The following HDX variants were observed in gnomAD, a reference collection of about 807,000 sequenced individuals.
HDX encodes the protein highly divergent homeobox, also known as chromosome X open reading frame 43.
Under a neutral mutation model 45.2 loss-of-function variants are expected in HDX, and 19 were observed. The ratio of observed to expected loss-of-function variants is 0.42; its 90% CI spans 0.29 to 0.62. The LOEUF is 0.62. HDX is among the 20% of genes least tolerant of loss of function. The pLI, the probability that HDX is intolerant of heterozygous loss-of-function variation, is 0.20. For synonymous variants in HDX, 188 were observed against 172.8 expected (o/e 1.09, Z -0.69); for missense variants, 532 against 493.9 (o/e 1.08, Z -0.73).
chrX:84,478,382 TC>T (rs2040600798), intron 2 of HDX, among the ~76,000 whole-genome samples: 1 of 111,732 alleles, frequency 8.9e-6, no homozygotes, highest in Admixed American at 9.5e-5. Flanking sequence ...TCTAAGAATG[TC>T]TGCTTCCTTA....
intron 4 of HDX, among the ~76,000 whole-genome samples, chrX:84,442,464 A>G (rs1370289102): frequency 1.8e-5 from 2 of 111,253 alleles, no homozygotes. Context: ...TTTTAAGGAA[A>G]AATAAAAAAT....
chrX:84,479,162 C>T (rs1232005180), intron 2 of HDX, among the ~76,000 whole-genome samples: 1 of 111,069 alleles, frequency 9.0e-6, no homozygotes, highest in African/African-American at 3.3e-5. Context: ...GTCATCAAAC[C>T]ATCACCAAAA....
At chrX:84,475,766 A>G (rs919115238) in intron 2 of HDX, among the ~76,000 whole-genome samples, 8 of 112,137 alleles carry the variant, frequency 7.1e-5, no homozygotes, top group African/African-American at 2.3e-4. Context: ...TACGTGATCA[A>G]TTATCAACAG....
chrX:84,342,753 T>G (rs866856057), intron 7 of HDX, among the ~76,000 whole-genome samples: 1 of 110,767 alleles, frequency 9.0e-6, no homozygotes, highest in Non-Finnish European at 1.9e-5. Context: ...TAGAGGCAAA[T>G]GTGGGGGTAT....
chrX:84,454,268 T>C (rs2040064923), intron 4 of HDX, among the ~76,000 whole-genome samples: 1 of 111,520 alleles, frequency 9.0e-6, no homozygotes, highest in Non-Finnish European at 1.9e-5. Flanking sequence ...ACCAAGCAGG[T>C]TCTTGGGGTC....
chrX:84,399,256 C>CT (rs1191965449), intron 5 of HDX, among the ~76,000 whole-genome samples: 1 of 108,312 alleles, frequency 9.2e-6, no homozygotes, highest in East Asian at 2.9e-4. Context: ...AAACCCCCCC[C>CT]CAAAAAAACA....
intron 5 of HDX, among the ~76,000 whole-genome samples, chrX:84,362,464 CAA>C (rs1334662170): frequency 9.1e-6 from 1 of 110,073 alleles, no homozygotes; most frequent in Non-Finnish European, 1.9e-5. Flanking sequence ...AGTGATGCCT[CAA>C]ATTATTTTCA....
intron 4 of HDX, among the ~76,000 whole-genome samples, chrX:84,442,962 A>C (rs1006814043): frequency 8.9e-6 from 1 of 111,917 alleles, no homozygotes; most frequent in African/African-American, 3.2e-5. Context: ...AGAAATATAA[A>C]ATGTGGTTTT....
At chrX:84,392,402 C>T (rs1045848151) in intron 5 of HDX, among the ~76,000 whole-genome samples, 11 of 110,625 alleles carry the variant, frequency 9.9e-5, no homozygotes, top group Non-Finnish European at 1.1e-4. Context: ...ATTTGGGCTC[C>T]CCATTTGTTC....
chrX:84,326,225 T>C lies in HDX; in HGVS notation c.1900A>G (p.Arg634Gly). The C allele has an allele frequency of 8.3e-7, 1 of 1,203,085 alleles. No individual in the cohort carries two copies. Among genetic ancestry groups the C allele is most frequent in the East Asian group, 3.0e-5 (1 of 33,743 alleles). Residue 634 changes from arginine (R) to glycine (G), a missense_variant, in exon 10 of 11, where the codon AGA becomes GGA. Coordinates refer to ENST00000373177, the MANE Select transcript of HDX (RefSeq NM_001177479.2). ...QKYFKLQTFVRSLILAMKADD... is the reference protein window; with the variant it reads ...QKYFKLQTFVGSLILAMKADD... Reference sequence around the variant, plus strand: ...GCTTTCATTGCTAATATCAAGCTTCTAACAAAAGTCTGAAGTTTAAAGTAT... The same window carrying C: ...GCTTTCATTGCTAATATCAAGCTTCCAACAAAAGTCTGAAGTTTAAAGTAT...
chrX:84,387,810 T>A (rs1260070127), intron 5 of HDX, among the ~76,000 whole-genome samples: 1 of 111,744 alleles, frequency 8.9e-6, no homozygotes, highest in Non-Finnish European at 1.9e-5. Flanking sequence ...ATGTGGCCCA[T>A]TTACATTCAG....
At chrX:84,375,065 C>A (rs1246023926) in intron 5 of HDX, among the ~76,000 whole-genome samples, 1 of 103,361 alleles carries the variant, frequency 9.7e-6, no homozygotes, top group Non-Finnish European at 2.0e-5. Flanking sequence ...ACAAACAACC[C>A]CATCAAAAAG....
intron 6 of HDX, among the ~76,000 whole-genome samples, chrX:84,354,447 A>G (rs183341151): frequency 2.2e-4 from 24 of 111,176 alleles, no homozygotes; most frequent in Admixed American, 1.2e-3. Context: ...TTCCACATAT[A>G]TTACTGAAAA....
Position 84,336,866 on chromosome X carries a change from C to A in HDX, c.1675G>T (p.Val559Phe). 1 of 1,173,195 alleles carries A rather than the reference C, an allele frequency of 8.5e-7. No individual in the cohort carries two copies. The highest frequency in any genetic ancestry group is 1.2e-6 in the Non-Finnish European group (1 of 867,748). Reference protein sequence around the residue: ...EGSSQEEPNEVVPNDARAHKE... With the variant: ...EGSSQEEPNEFVPNDARAHKE... ...TGAGCCCTTGCATCATTCGGAACAA[C>A]TTCATTGGGCTCTTCTACAGAAAAA... is the stretch of plus-strand genomic sequence containing the variant. Residue 559 changes from valine (V) to phenylalanine (F), a missense_variant, in exon 8 of 11, where the codon GTT (valine) becomes TTT (phenylalanine). Physicochemically the swap from Val to Phe is conservative, Grantham distance 50. Around this residue, in one of 3 missense-constraint regions of HDX, gnomAD observed 151 missense variants for 131.8 expected, o/e 1.15. Coordinates refer to ENST00000373177, the MANE Select transcript of HDX (RefSeq NM_001177479.2).
chrX:84,501,397 A>G (rs1458537360), intron 1 of HDX: 1 of 111,700 alleles, frequency 9.0e-6, no homozygotes, highest in Non-Finnish European at 1.9e-5. Flanking sequence ...TGTCCCAAGA[A>G]GAGAAAAAGG....
intron 6 of HDX, among the ~76,000 whole-genome samples, chrX:84,359,260 G>A (rs1000574446): frequency 5.4e-5 from 6 of 110,146 alleles, no homozygotes; most frequent in South Asian, 3.9e-4. Flanking sequence ...AATGTGTGCC[G>A]TGGAAGGGGT....
At chrX:84,344,532 T>C (rs183932839) in intron 6 of HDX, 75 bp from the exon 7 acceptor site, 34 of 644,464 alleles carry the variant, frequency 5.3e-5, no homozygotes, top group African/African-American at 4.4e-4. Flanking sequence ...AAATAATGAA[T>C]GAATGCTGCA....
chrX:84,450,009 G>A (rs2039962737), intron 4 of HDX, among the ~76,000 whole-genome samples: 1 of 110,412 alleles, frequency 9.1e-6, no homozygotes, highest in African/African-American at 3.3e-5. Flanking sequence ...AATGTTAAAT[G>A]ATGAGCTAAT....
At chrX:84,439,948 C>A (rs982439852) in intron 5 of HDX, 2 of 111,319 alleles carry the variant, frequency 1.8e-5, no homozygotes, top group African/African-American at 3.3e-5. Flanking sequence ...TATATAGGGA[C>A]CAGTCACATC....
Sources: gnomAD v4.1 joint callset for allele counts (sites outside exome capture counted in the v4.1 genomes callset) on GRCh38, gnomAD v4.1.1 for gene constraint, gnomAD v4.1.1 regional missense constraint, MANE v1.5 for transcripts, NCBI Gene and HGNC (gene_info 2026-07-23, HGNC 2026-07-21) for gene names.